The following ZNF35 variants were observed in gnomAD, a reference collection of about 807,000 sequenced individuals.
ZNF35 encodes zinc finger protein 35 (clone HF.10).
In ZNF35, 31 loss-of-function variants were observed where a neutral mutation model predicts 45.9. The ratio of observed to expected loss-of-function variants is 0.68; its 90% CI spans 0.51 to 0.91. The LOEUF (loss-of-function observed/expected upper bound fraction) is 0.91. Ranked by LOEUF, ZNF35 falls within the 40% of genes least tolerant of loss-of-function variation. ZNF35 has a pLI of 0.00. For synonymous variants in ZNF35, 205 were observed against 220.2 expected (o/e 0.93, Z 0.61); for missense variants, 515 against 625.4 (o/e 0.82, Z 1.88).
chr3:44,649,063 G>T (rs1048298715), intron 1 of ZNF35, among the ~76,000 whole-genome samples: 2 of 152,228 alleles, frequency 1.3e-5, no homozygotes, highest in Non-Finnish European at 2.9e-5. Context: ...GGCCAGATAG[G>T]TCCCAGGGAC....
intron 3 of ZNF35, among the ~76,000 whole-genome samples, chr3:44,653,059 C>T (rs1308335909): frequency 6.6e-6 from 1 of 152,100 alleles, no homozygotes; most frequent in South Asian, 2.1e-4. Flanking sequence ...GGACTGGGCA[C>T]GGGAGAACCA....
At position 44,658,757 on chromosome 3, in the gene ZNF35, G is replaced by A; in HGVS notation, c.394G>A (p.Ala132Thr). Residue 132 changes from alanine (A) to threonine (T), a missense_variant, in exon 4 of 4, where the codon GCT becomes ACT. Ala to Thr is a moderately conservative substitution (Grantham distance 58). This residue lies in a region of ZNF35 where 275 missense variants were observed against 295.7 expected (regional missense o/e 0.93). Coordinates refer to ENST00000396056, the MANE Select transcript of ZNF35 (RefSeq NM_003420.4). ...LVPKTEICEE[A>T]EKPLIISERI... ...TCCAAAAACTGAGATATGTGAGGAA[G>A]CTGAAAAACCCCTCATCATATCAGA... 1 of 1,592,566 alleles carries A rather than the reference G, an allele frequency of 6.3e-7. No individual in the cohort carries two copies. Among genetic ancestry groups the A allele is most frequent in the Non-Finnish European group, 8.5e-7 (1 of 1,175,060 alleles).
chr3:44,659,189 A>T lies in ZNF35; in HGVS notation c.826A>T (p.Lys276Ter). The change falls in exon 4 of 4, where the codon AAA becomes TAA. Residue 276 changes from lysine to a stop codon, truncating the protein, a stop_gained. Transcript: ENST00000396056. LOFTEE classifies it high-confidence loss of function. The surrounding 1 kb of genome is among the most constrained non-coding windows in gnomAD (Gnocchi z 4.3). Reference protein sequence around the residue: ...VVHQRIHTGQKPYVCSKCGKA... With the variant: ...VVHQRIHTGQ ...GCATCAGAGAATCCACACTGGACAG[A>T]AACCTTATGTTTGCTCAAAATGTGG... 6.2e-7 allele frequency: 1 copy of T among 1,614,242 alleles called. No individual in the cohort carries two copies. The highest frequency in any genetic ancestry group is 1.1e-5 in the South Asian group (1 of 91,090).
intron 1 of ZNF35, among the ~76,000 whole-genome samples, chr3:44,649,348 T>C (rs994204775): frequency 7.9e-5 from 12 of 152,238 alleles, no homozygotes; most frequent in African/African-American, 1.7e-4. Context: ...ATGAAAGTAT[T>C]GCATTACTTA....
chr3:44,646,809 A>G (rs1702983865), upstream of ZNF35: 1 of 352,040 alleles, frequency 2.8e-6, no homozygotes, highest in South Asian at 4.4e-5. Context: ...ATAAATGGCC[A>G]ATTGATTTTT....
In ZNF35 at chr3:44,650,850, G is replaced by A. The variant is rs1703189120; in HGVS notation, c.-127-91G>A. ...TACATTGGCCCCTGGCCAGGCGCTGGTGAAATTTGCCGGTGTGGCATCCGG... is the reference window on the plus strand; with the variant it reads ...TACATTGGCCCCTGGCCAGGCGCTGATGAAATTTGCCGGTGTGGCATCCGG... On this transcript the variant is annotated intron_variant, in intron 1 of 3. Coordinates refer to ENST00000396056, the MANE Select transcript of ZNF35 (RefSeq NM_003420.4). 4.1e-6 allele frequency: 2 copies of A among 488,822 alleles called. 1 individual carries two copies. The highest frequency in any genetic ancestry group is 7.2e-6 in the Non-Finnish European group (2 of 276,576). The allele number at this position is 488,822 out of a possible 1,614,324, so 30.3% of individuals were successfully genotyped here. A position where few individuals can be genotyped will look rare whatever the true frequency, so the allele number is the denominator to read the frequency against.
At chr3:44,646,561 G>A, upstream of ZNF35, 1 of 1,126,366 alleles carries the variant, frequency 8.9e-7, no homozygotes, top group South Asian at 1.2e-5. Flanking sequence ...CCAGAACGTG[G>A]AATATTGCAT....
At chr3:44,646,536 G>A (rs776892883), upstream of ZNF35, 40 of 1,354,690 alleles carry the variant, frequency 3.0e-5, 1 homozygote, top group South Asian at 3.0e-4. Flanking sequence ...AAGACACCAC[G>A]AGAAACAGAC....
chr3:44,648,994 C>A (rs1703112661), intron 1 of ZNF35, among the ~76,000 whole-genome samples, 160 bp downstream of exon 1: 1 of 152,238 alleles, frequency 6.6e-6, no homozygotes, highest in African/African-American at 2.4e-5. Flanking sequence ...GCCTCGGAAT[C>A]CCGGCTGCTG....
chr3:44,653,659 T>C (rs920965704), intron 3 of ZNF35, among the ~76,000 whole-genome samples: 1 of 152,236 alleles, frequency 6.6e-6, no homozygotes, highest in African/African-American at 2.4e-5. Context: ...TGTTCAAAAC[T>C]AGGTCTTCGT....
chr3:44,655,144 T>C (rs1703276586), intron 3 of ZNF35, among the ~76,000 whole-genome samples: 1 of 152,142 alleles, frequency 6.6e-6, no homozygotes, highest in South Asian at 2.1e-4. Flanking sequence ...AAAAAATAAA[T>C]TAATTAAAAA....
At position 44,659,852 on chromosome 3, in the gene ZNF35, A is replaced by G. The variant is rs941792929; in HGVS notation, c.1489A>G (p.Thr497Ala). 3 of 1,613,588 alleles carry G rather than the reference A, an allele frequency of 1.9e-6. No homozygotes were observed. Among genetic ancestry groups the G allele is most frequent in the South Asian group, 1.1e-5 (1 of 91,014 alleles). ...SSLTVHQRTH[T>A]GEKPYECEKC... ...CCTCACCGTGCACCAGAGAACCCAC[A>G]CTGGGGAGAAGCCCTATGAATGTGA... Residue 497 changes from threonine to alanine, a missense_variant, in exon 4 of 4, where the codon ACT becomes GCT. By Grantham distance (58) the Thr-to-Ala change is moderately conservative. Transcript: ENST00000396056. The surrounding 1 kb of genome is among the most constrained non-coding windows in gnomAD (Gnocchi z 4.3).
intron 1 of ZNF35, among the ~76,000 whole-genome samples, chr3:44,649,454 C>T (rs989147057): frequency 3.3e-5 from 5 of 152,156 alleles, no homozygotes; most frequent in Non-Finnish European, 5.9e-5. Context: ...AATAAGATTT[C>T]GCACCCTTTT....
intron 1 of ZNF35, among the ~76,000 whole-genome samples, chr3:44,649,624 G>A (rs1294278825): frequency 2.0e-5 from 3 of 151,970 alleles, no homozygotes; most frequent in Non-Finnish European, 2.9e-5. Flanking sequence ...GAATTGGCAT[G>A]GTGCTTTTGG....
chr3:44,648,632 G>C (rs1211057748), upstream of ZNF35: 1 of 152,112 alleles, frequency 6.6e-6, no homozygotes, highest in Non-Finnish European at 1.5e-5. Context: ...CCCTGGTCTG[G>C]GGCGACATTG....
rs1464142902 is a variant in ZNF35, at chr3:44,660,114, T to G, written c.*167T>G. The G allele has an allele frequency of 1.4e-6, 1 of 700,920 alleles. No homozygotes were observed. The highest frequency in any genetic ancestry group is 2.9e-5 in the East Asian group (1 of 33,932). 43.4% of individuals were successfully genotyped at this position (700,920 alleles called of 1,614,324 possible). On this transcript the variant is annotated 3_prime_UTR_variant, in exon 4 of 4. Transcript: ENST00000396056. ...GACACAAGAAAAGCATTTCAGAGGC[T>G]AATTTAAAACAAAAAGTAAGCACCT... is the stretch of plus-strand genomic sequence containing the variant.
chr3:44,658,213 C>T (rs1375997822), intron 3 of ZNF35, among the ~76,000 whole-genome samples: 1 of 152,192 alleles, frequency 6.6e-6, no homozygotes, highest in Non-Finnish European at 1.5e-5. Context: ...ATCCAGCATC[C>T]TCAGACACAG....
chr3:44,651,851 A>C (rs959693824), intron 2 of ZNF35, among the ~76,000 whole-genome samples: 5 of 151,648 alleles, frequency 3.3e-5, no homozygotes, highest in Admixed American at 2.0e-4. Context: ...AAAAAAAAGA[A>C]TCTAAGGGTG....
chr3:44,660,023 T>C lies in ZNF35; in HGVS notation c.*76T>C, dbSNP rs1222549881. 1.4e-6 allele frequency: 2 copies of C among 1,421,950 alleles called. No individual in the cohort carries two copies. Among genetic ancestry groups the C allele is most frequent in the East Asian group, 4.6e-5 (2 of 43,158 alleles). The allele number at this position is 1,421,950 out of a possible 1,614,324, so 88.1% of individuals were successfully genotyped here. A position where few individuals can be genotyped will look rare whatever the true frequency, so the allele number is the denominator to read the frequency against. On this transcript the variant is annotated 3_prime_UTR_variant, in exon 4 of 4. Coordinates refer to ENST00000396056, the MANE Select transcript of ZNF35 (RefSeq NM_003420.4). ...CTAATGAGACACCTCTTTGCTGTTT[T>C]CTTCCTCCTCTATAAAAGTGAGGGC...
Sources: allele counts gnomAD v4.1 joint callset (sites outside exome capture counted in the v4.1 genomes callset), GRCh38; gene constraint gnomAD v4.1.1; regional missense constraint gnomAD v4.1.1; non-coding constraint Gnocchi (gnomAD v3.1); transcripts MANE v1.5; gene names NCBI Gene and HGNC (gene_info 2026-07-23, HGNC 2026-07-21).